The following RBM10 variants were observed in gnomAD, a reference collection of about 807,000 sequenced individuals.
RBM10 encodes the protein RNA-binding protein 10.
Under a neutral mutation model 84.9 loss-of-function variants are expected in RBM10, and 1 was observed. That is an observed-to-expected ratio of 0.01 (90% CI 0.00 to 0.06). The LOEUF (loss-of-function observed/expected upper bound fraction) is 0.06. RBM10 is among the 10% of genes least tolerant of loss of function. The pLI is 1.00. For missense variants in RBM10, 438 were observed against 839.0 expected (o/e 0.52, Z 5.90); for synonymous variants, 326 against 344.5 (o/e 0.95, Z 0.60).
At position 47,147,490 on chromosome X, in the gene RBM10, T is replaced by C; in HGVS notation, c.9T>C (p.Tyr3=). The change falls in exon 2 of 24, where the codon TAT becomes TAC. Residue 3 remains tyrosine, a synonymous_variant. Coordinates refer to ENST00000377604, the MANE Select transcript of RBM10 (RefSeq NM_005676.5). ME[Y]ERRGGRGDRT... ...GAAGGCCCTATCAGGACATGGAGTA[T>C]GAAAGACGGTGAGTTATCTGTTCTC... 1 of 1,211,378 alleles carries C rather than the reference T, an allele frequency of 8.3e-7. No individual in the cohort carries two copies. The highest frequency in any genetic ancestry group is 1.1e-6 in the Non-Finnish European group (1 of 895,245).
chrX:47,150,551 T>C (rs1556763353), intron 2 of RBM10, among the ~76,000 whole-genome samples: 1 of 112,004 alleles, frequency 8.9e-6, no homozygotes, highest in Non-Finnish European at 1.9e-5. Context: ...GGCTCCGGTT[T>C]TATTTTCTTC....
chrX:47,185,261 C>T (rs2147212655), intron 18 of RBM10, 41 bp from the exon 19 acceptor site: 1 of 1,211,363 alleles, frequency 8.3e-7, no homozygotes, highest in South Asian at 1.8e-5. Flanking sequence ...TCCTTTGGGC[C>T]CTCTGTGGAG....
At chrX:47,157,345 G>C in intron 2 of RBM10, 1 of 324,082 alleles carries the variant, frequency 3.1e-6, no homozygotes, top group Admixed American at 3.3e-5. Flanking sequence ...ACACAGGGTG[G>C]CTGTATGCCA....
intron 2 of RBM10, 49 bp from the exon 3 acceptor site, chrX:47,169,266 T>C: frequency 3.5e-6 from 4 of 1,154,481 alleles, no homozygotes; most frequent in Non-Finnish European, 4.7e-6. Context: ...CTTGCACCTT[T>C]TAGAAAGGGC....
intron 6 of RBM10, among the ~76,000 whole-genome samples, chrX:47,175,634 A>G (rs887773303): frequency 9.0e-5 from 10 of 111,085 alleles, no homozygotes; most frequent in African/African-American, 3.3e-4. Flanking sequence ...CCCGTCGAGT[A>G]TGATAGTTTT....
In RBM10 at chrX:47,145,345, C is replaced by T; in HGVS notation, c.-266C>T. 2 of 922,890 alleles carry T rather than the reference C, an allele frequency of 2.2e-6. No homozygotes were observed. Among genetic ancestry groups the T allele is most frequent in the Non-Finnish European group, 1.5e-6 (1 of 660,891 alleles). The allele number at this position is 922,890 out of a possible 1,213,427, so 76.1% of individuals were successfully genotyped here. A position where few individuals can be genotyped will look rare whatever the true frequency, so the allele number is the denominator to read the frequency against. ...TGGGAGGGCAGCGCGCTTGGCGCTTCTCCCCTCCCCCCGATCTGCCTCCAG... is the reference window on the plus strand; with the variant it reads ...TGGGAGGGCAGCGCGCTTGGCGCTTTTCCCCTCCCCCCGATCTGCCTCCAG... On this transcript the variant is annotated 5_prime_UTR_variant, in exon 1 of 24. Coordinates refer to ENST00000377604, the MANE Select transcript of RBM10 (RefSeq NM_005676.5).
Position 47,175,109 on chromosome X carries a change from T to TGGGGGGGGGGGGGG in RBM10, c.576+18_576+19insGGGGGGGGGGGGGG. On this transcript the variant is annotated intron_variant, in intron 6 of 23. Transcript: ENST00000377604. The stretch of plus-strand genomic sequence containing the variant: ...GCCAATCAGGTTGCTTTGCCGCACT[T>TGGGGGGGGGGGGGG]GAACCCCCCCCCAAACAAATACTAC... 8.5e-7 allele frequency: 1 copy of TGGGGGGGGGGGGGG among 1,183,024 alleles called. No individual in the cohort carries two copies. The highest frequency in any genetic ancestry group is 1.1e-6 in the Non-Finnish European group (1 of 871,645).
At chrX:47,159,448 T>A (rs901266144) in intron 2 of RBM10, among the ~76,000 whole-genome samples, 2 of 103,306 alleles carry the variant, frequency 1.9e-5, no homozygotes, top group Non-Finnish European at 2.0e-5. Flanking sequence ...TGAACATGGG[T>A]GCATGTGATA....
intron 1 of RBM10, among the ~76,000 whole-genome samples, chrX:47,146,321 T>C (rs1556762066): frequency 9.0e-6 from 1 of 111,455 alleles, no homozygotes. Context: ...ATTCTAACTC[T>C]TGCCCACCTG....
In RBM10 at chrX:47,171,046, C is replaced by T. The variant is rs967857316; in HGVS notation, c.220C>T (p.Pro74Ser). Reference protein sequence around the residue: ...QSAEDSYEASPGSETQRRRRR... With the variant: ...QSAEDSYEASSGSETQRRRRR... ...CGGCCAGGATTCCTACGAGGCCTCC[C>T]CGGGCTCCGAGACTCAGCGTAGGCG... is the stretch of plus-strand genomic sequence containing the variant. The change falls in exon 4 of 24, where the codon CCG becomes TCG. Residue 74 changes from proline to serine, a missense_variant. Transcript: ENST00000377604. 8.3e-6 allele frequency: 10 copies of T among 1,209,349 alleles called. No homozygotes were observed. Among genetic ancestry groups the T allele is most frequent in the African/African-American group, 1.7e-5 (1 of 57,147 alleles).
At chrX:47,153,711 C>T (rs1334045742) in intron 2 of RBM10, among the ~76,000 whole-genome samples, 1 of 111,657 alleles carries the variant, frequency 9.0e-6, no homozygotes, top group African/African-American at 3.3e-5. Flanking sequence ...ATGAATTGGG[C>T]AGCCTTTGTT....
chrX:47,152,124 A>G (rs1459424189), intron 2 of RBM10, among the ~76,000 whole-genome samples: 1 of 112,192 alleles, frequency 8.9e-6, no homozygotes, highest in African/African-American at 3.2e-5. Context: ...AGACATGAGA[A>G]TCGCTTGAAC....
intron 2 of RBM10, among the ~76,000 whole-genome samples, chrX:47,160,137 C>CA (rs782476104): frequency 0.012 from 1,235 of 107,288 alleles, 19 homozygotes; most frequent in African/African-American, 0.039. Context: ...AACTCTGCCT[C>CA]AAAAAAAAAG....
intron 2 of RBM10, chrX:47,157,894 C>T: frequency 3.5e-6 from 1 of 282,396 alleles, no homozygotes; most frequent in Non-Finnish European, 6.3e-6. Flanking sequence ...ATTCTCCTCC[C>T]TCAGCCTCCC....
At chrX:47,178,493 G>T (rs1935304982) in intron 7 of RBM10, among the ~76,000 whole-genome samples, 1 of 111,891 alleles carries the variant, frequency 8.9e-6, no homozygotes, top group African/African-American at 3.3e-5. Flanking sequence ...CTGCCCCTGT[G>T]CTATTAGGCC....
intron 7 of RBM10, among the ~76,000 whole-genome samples, chrX:47,178,429 C>T (rs1284128952): frequency 9.0e-6 from 1 of 111,687 alleles, no homozygotes; most frequent in African/African-American, 3.3e-5. Context: ...TTTCCCTCCC[C>T]GAGCCCCTGC....
chrX:47,182,054 G>T lies in RBM10; in HGVS notation c.1785+12G>T, dbSNP rs1043863553. ...ACCCCAACTCCCAGGTAATAGGGCA[G>T]CCCAGGGAGGGATGGGATCGGGTCA... is the stretch of plus-strand genomic sequence containing the variant. On this transcript the variant is annotated intron_variant, in intron 16 of 23. Transcript: ENST00000377604. The T allele has an allele frequency of 8.3e-7, 1 of 1,211,507 alleles. No homozygotes were observed. Among genetic ancestry groups the T allele is most frequent in the Non-Finnish European group, 1.1e-6 (1 of 895,450 alleles).
intron 2 of RBM10, 45 bp downstream of exon 2, chrX:47,147,543 C>G (rs1932396071): frequency 1.7e-6 from 2 of 1,198,230 alleles, no homozygotes; most frequent in Non-Finnish European, 2.3e-6. Flanking sequence ...AGGCTTGCGT[C>G]TATGTGAGAA....
At chrX:47,169,563 G>A (rs2147130669) in intron 3 of RBM10, 65 bp downstream of exon 3, 1 of 1,081,242 alleles carries the variant, frequency 9.2e-7, no homozygotes, top group Admixed American at 2.5e-5. Flanking sequence ...TCTGTGTCTG[G>A]CTGCAGCACC....
Sources: allele counts gnomAD v4.1 joint callset (sites outside exome capture counted in the v4.1 genomes callset), GRCh38; gene constraint gnomAD v4.1.1; transcripts MANE v1.5; gene names NCBI Gene and HGNC (gene_info 2026-07-23, HGNC 2026-07-21).